MPDZ: variants seen among roughly 807,000 people sequenced by gnomAD.
MPDZ encodes multiple PDZ domain crumbs cell polarity complex component, also known as multiple PDZ domain protein.
In MPDZ, 234 loss-of-function variants were observed where a neutral mutation model predicts 239.1. That is an observed-to-expected ratio of 0.98 (90% CI 0.88 to 1.09). The LOEUF (loss-of-function observed/expected upper bound fraction) is 1.09, where lower values mean the gene tolerates loss of function less well. MPDZ is among the 50% of genes least tolerant of loss of function. The pLI is 0.00. For missense variants in MPDZ, 3,175 were observed against 2,510.0 expected (o/e 1.26, Z -5.66); for synonymous variants, 1,048 against 881.3 (o/e 1.19, Z -3.35).
At chr9:13,182,878 T>C (rs972960011) in intron 19 of MPDZ, among the ~76,000 whole-genome samples, 1 of 152,178 alleles carries the variant, frequency 6.6e-6, no homozygotes, top group Non-Finnish European at 1.5e-5. Context: ...GTGACTAAAT[T>C]CTTCGTTCAC....
intron 21 of MPDZ, among the ~76,000 whole-genome samples, chr9:13,170,035 T>C (rs1951588643): frequency 6.6e-6 from 1 of 152,184 alleles, no homozygotes; most frequent in African/African-American, 2.4e-5. Context: ...ATAAATTATA[T>C]TTGAAACTTT....
intron 27 of MPDZ, among the ~76,000 whole-genome samples, chr9:13,142,637 G>A (rs542459581): frequency 1.3e-5 from 2 of 152,118 alleles, no homozygotes; most frequent in East Asian, 3.9e-4. Context: ...AACCTTAAAG[G>A]GTGTGGGAGC....
intron 15 of MPDZ, among the ~76,000 whole-genome samples, chr9:13,190,724 T>C (rs951355836): frequency 2.6e-5 from 4 of 152,140 alleles, no homozygotes; most frequent in Admixed American, 1.3e-4. Flanking sequence ...TCTATACAAA[T>C]AAGAGTTCTA....
intron 42 of MPDZ, 40 bp downstream of exon 42, chr9:13,112,971 A>T (rs1201992118): frequency 3.2e-6 from 5 of 1,539,012 alleles, no homozygotes; most frequent in Non-Finnish European, 4.4e-6. Flanking sequence ...GATGTCTCTT[A>T]AAACGCCAGG....
intron 1 of MPDZ, among the ~76,000 whole-genome samples, chr9:13,260,508 C>A (rs1176504447): frequency 6.6e-6 from 1 of 152,078 alleles, no homozygotes; most frequent in African/African-American, 2.4e-5. Flanking sequence ...GAGTATAGTA[C>A]CTTACGATGT....
At chr9:13,165,734 T>C (rs1276331912) in intron 22 of MPDZ, among the ~76,000 whole-genome samples, 1 of 152,174 alleles carries the variant, frequency 6.6e-6, no homozygotes, top group Non-Finnish European at 1.5e-5. Flanking sequence ...GCAGATGTTA[T>C]AAGCAGCTGC....
chr9:13,176,788 T>A (rs1333872811), intron 19 of MPDZ, among the ~76,000 whole-genome samples: 2 of 152,108 alleles, frequency 1.3e-5, no homozygotes, highest in Non-Finnish European at 2.9e-5. Context: ...TAAAGTGTAG[T>A]TTGTTTCCCA....
At chr9:13,256,846 A>T (rs1969557643) in intron 1 of MPDZ, among the ~76,000 whole-genome samples, 1 of 152,208 alleles carries the variant, frequency 6.6e-6, no homozygotes, top group South Asian at 2.1e-4. Context: ...AAATGGCACC[A>T]ATAGACTTGC....
chr9:13,225,272 T>C (rs547346850), intron 3 of MPDZ, among the ~76,000 whole-genome samples: 24 of 152,232 alleles, frequency 1.6e-4, no homozygotes, highest in African/African-American at 5.8e-4. Flanking sequence ...AAGGAAGTTT[T>C]TGTAAATTTA....
At chr9:13,119,362 G>A in intron 39 of MPDZ, 140 bp downstream of exon 39, 1 of 1,004,378 alleles carries the variant, frequency 1.0e-6, no homozygotes, top group Non-Finnish European at 1.4e-6. Flanking sequence ...TGGGATTATA[G>A]GCGTGAGCCA....
Position 13,186,320 on chromosome 9 carries a change from C to T in MPDZ, c.2431G>A (p.Glu811Lys). 1 of 1,597,126 alleles carries T rather than the reference C, an allele frequency of 6.3e-7. No homozygotes were observed. Among genetic ancestry groups the T allele is most frequent in the Non-Finnish European group, 8.5e-7 (1 of 1,171,370 alleles). ...DSFLYPPHSC[E>K]EAGLADKPLF... is the part of the protein sequence containing the mutation. The stretch of plus-strand genomic sequence containing the variant: ...GGTTTGTCAGCCAGCCCTGCTTCCT[C>T]ACAGGAGTGTGGTGGGTAGAGAAAG... The change falls in exon 18 of 47, where the codon GAG (glutamate) becomes AAG (lysine). Residue 811 changes from glutamate (E) to lysine (K), a missense_variant. By Grantham distance (56) the Glu-to-Lys change is moderately conservative. Coordinates refer to ENST00000319217, the MANE Select transcript of MPDZ (RefSeq NM_001378778.1).
At chr9:13,141,354 G>C (rs1947643753) in intron 27 of MPDZ, among the ~76,000 whole-genome samples, 1 of 151,924 alleles carries the variant, frequency 6.6e-6, no homozygotes, top group Non-Finnish European at 1.5e-5. Flanking sequence ...ACTTCTTTTT[G>C]CTTAACTCTT....
intron 23 of MPDZ, 91 bp from the exon 24 acceptor site, chr9:13,158,201 C>T: frequency 1.0e-6 from 1 of 966,226 alleles, no homozygotes; most frequent in Non-Finnish European, 1.6e-6. Flanking sequence ...GCTAAAAATG[C>T]AGGACTGTTT....
At chr9:13,143,647 T>G in intron 26 of MPDZ, 83 bp from the exon 27 acceptor site, 1 of 1,028,620 alleles carries the variant, frequency 9.7e-7, no homozygotes, top group Non-Finnish European at 1.5e-6. Flanking sequence ...ACATACCGAT[T>G]TAAAGAACTG....
At chr9:13,220,880 G>A (rs1175232077) in intron 7 of MPDZ, among the ~76,000 whole-genome samples, 3 of 151,874 alleles carry the variant, frequency 2.0e-5, no homozygotes, top group Non-Finnish European at 2.9e-5. Flanking sequence ...TATCATAAAT[G>A]GTAATGCCTC....
chr9:13,113,441 GCAAA>G (rs528629642), intron 41 of MPDZ, among the ~76,000 whole-genome samples: 96 of 152,082 alleles, frequency 6.3e-4, no homozygotes, highest in Non-Finnish European at 1.1e-3. Flanking sequence ...TAGTCATACT[GCAAA>G]CAGAGATTGC....
At chr9:13,125,183 T>C (rs762598408) in intron 35 of MPDZ, 33 bp downstream of exon 35, 25 of 1,495,286 alleles carry the variant, frequency 1.7e-5, no homozygotes, top group Middle Eastern at 2.4e-4. Context: ...GTGTTCCATA[T>C]GTGCAGGACT....
chr9:13,115,366 A>C, intron 39 of MPDZ, 32 bp from the exon 40 acceptor site: 1 of 1,524,840 alleles, frequency 6.6e-7, no homozygotes. Context: ...GTTTTATGGA[A>C]ATGTTTAAAT....
chr9:13,146,719 T>C (rs938150837), intron 26 of MPDZ, among the ~76,000 whole-genome samples: 2 of 151,950 alleles, frequency 1.3e-5, no homozygotes, highest in African/African-American at 4.8e-5. Context: ...GGTATGTGAA[T>C]CCAAAATACT....
Sources: gnomAD v4.1 joint callset for allele counts (sites outside exome capture counted in the v4.1 genomes callset) on GRCh38, gnomAD v4.1.1 for gene constraint, MANE v1.5 for transcripts, NCBI Gene and HGNC (gene_info 2026-07-23, HGNC 2026-07-21) for gene names.